Variants in DOCK1 observed in about 807,000 individuals in gnomAD.
DOCK1 encodes the protein dedicator of cytokinesis 1.
A neutral mutation model predicts 262.7 loss-of-function variants in DOCK1; 138 were observed. The ratio of observed to expected loss-of-function variants is 0.53; its 90% confidence interval spans 0.46 to 0.61. DOCK1 has a LOEUF of 0.61. DOCK1 is among the 20% of genes least tolerant of loss of function. The pLI, the probability that DOCK1 is intolerant of heterozygous loss-of-function variation, is 0.00. For synonymous variants in DOCK1, 866 were observed against 867.4 expected, an observed-to-expected ratio of 1.00 and a Z score of 0.03; for missense variants, 1,908 against 2,370.7, an observed-to-expected ratio of 0.80 and a Z score of 4.05.
chr10:127,180,753 C>T (rs925018274), intron 27 of DOCK1, among the ~76,000 whole-genome samples: 15 of 152,144 alleles, frequency 9.9e-5, no homozygotes, highest in African/African-American at 3.6e-4. Context: ...TTTACATTCA[C>T]TCTGGGCGGC....
At chr10:127,218,958 A>G (rs1008359353) in intron 27 of DOCK1, among the ~76,000 whole-genome samples, 1 of 152,112 alleles carries the variant, frequency 6.6e-6, no homozygotes, top group African/African-American at 2.4e-5. Context: ...ATGGAAAGGG[A>G]AGCCAACCTA....
chr10:126,920,889 C>T lies in DOCK1; in HGVS notation c.46+15326C>T, dbSNP rs554337958. ...CATTGTTCCTTCTCCACTCCCACTG[C>T]TTCACTTGCCTTTACAAAAAGTTCA... On this transcript the variant is annotated intron_variant, in intron 1 of 51. Coordinates refer to ENST00000623213, the MANE Select transcript of DOCK1 (RefSeq NM_001290223.2). Among the ~76,000 whole-genome samples, 6 of 152,274 alleles carry T rather than the reference C, an allele frequency of 3.9e-5. No individual in the cohort carries two copies. In the South Asian group the frequency reaches 1.2e-3, roughly 32 times the overall value.
At chr10:127,142,937 C>T (rs1415999284) in intron 27 of DOCK1, among the ~76,000 whole-genome samples, 1 of 152,192 alleles carries the variant, frequency 6.6e-6, no homozygotes, top group East Asian at 1.9e-4. Context: ...GAAGAATCTG[C>T]CCTACATCTC....
chr10:126,980,281 T>C (rs1019780558), intron 3 of DOCK1, among the ~76,000 whole-genome samples: 2 of 152,086 alleles, frequency 1.3e-5, no homozygotes, highest in African/African-American at 2.4e-5. Flanking sequence ...CACCGCGACT[T>C]CCTGGGCTCA....
chr10:126,957,097 C>G (rs2036805366), intron 1 of DOCK1, among the ~76,000 whole-genome samples: 1 of 152,254 alleles, frequency 6.6e-6, no homozygotes, highest in South Asian at 2.1e-4. Flanking sequence ...CCTGTGCCAA[C>G]AGGCACTAGG....
Position 127,339,095 on chromosome 10 carries a change from A to T in DOCK1, c.3123+11A>T. The T allele has an allele frequency of 2.6e-6, 4 of 1,562,290 alleles. No individual in the cohort carries two copies. Among genetic ancestry groups the T allele is most frequent in the Non-Finnish European group, 3.5e-6 (4 of 1,152,636 alleles). On this transcript the variant is annotated intron_variant, in intron 30 of 51. Transcript: ENST00000623213. ...AACTTTGAGCTACAGGTAAGAGAAG[A>T]GGTAGACACGACCTTTGTGGAGAAA...
intron 27 of DOCK1, among the ~76,000 whole-genome samples, chr10:127,223,551 T>G (rs2058519739): frequency 6.6e-6 from 1 of 152,210 alleles, no homozygotes; most frequent in Non-Finnish European, 1.5e-5. Context: ...GGATTTCAGA[T>G]GAGAGATATT....
intron 29 of DOCK1, among the ~76,000 whole-genome samples, chr10:127,266,668 A>G (rs2060370454): frequency 6.6e-6 from 1 of 152,226 alleles, no homozygotes; most frequent in South Asian, 2.1e-4. Flanking sequence ...GGTGCTCACG[A>G]TGAGATGTGC....
At chr10:127,363,839 G>A (rs1186047157) in intron 33 of DOCK1, among the ~76,000 whole-genome samples, 1 of 152,192 alleles carries the variant, frequency 6.6e-6, no homozygotes, top group Non-Finnish European at 1.5e-5. Flanking sequence ...GATACTGAGG[G>A]CAGGGAGACT....
intron 2 of DOCK1, among the ~76,000 whole-genome samples, chr10:126,973,759 C>G (rs2038294330): frequency 6.6e-6 from 1 of 152,134 alleles, no homozygotes; most frequent in African/African-American, 2.4e-5. Flanking sequence ...CATTTGTTTT[C>G]CAATATCTTC....
intron 23 of DOCK1, among the ~76,000 whole-genome samples, chr10:127,072,825 A>G (rs2046309799): frequency 6.6e-6 from 1 of 152,224 alleles, no homozygotes; most frequent in Admixed American, 6.5e-5. Context: ...GGACGGGCAG[A>G]GAACATCATC....
At chr10:127,028,122 T>A (rs190509491) in intron 16 of DOCK1, among the ~76,000 whole-genome samples, 1 of 152,110 alleles carries the variant, frequency 6.6e-6, no homozygotes, top group Admixed American at 6.5e-5. Context: ...ATTCCTGTCC[T>A]GTCCCAACAG....
chr10:126,988,119 C>T (rs1272394042), intron 5 of DOCK1: 1 of 151,376 alleles, frequency 6.6e-6, no homozygotes, highest in Non-Finnish European at 1.5e-5. Flanking sequence ...AAATATTTTA[C>T]ATTCTAGCTT....
chr10:127,093,242 C>CTTTTCTTTCTTTCTTTCTTTTTT (rs2047679021), intron 23 of DOCK1, among the ~76,000 whole-genome samples: 1 of 79,342 alleles, frequency 1.3e-5, no homozygotes, highest in African/African-American at 6.7e-5. Flanking sequence ...TTTCTTTCTT[C>CTTTTCTTTCTTTCTTTCTTTTTT]TTTTTTTTTT....
intron 27 of DOCK1, among the ~76,000 whole-genome samples, chr10:127,185,756 C>T (rs1011188443): frequency 6.6e-6 from 1 of 152,158 alleles, no homozygotes; most frequent in African/African-American, 2.4e-5. Context: ...TGAACTTTGG[C>T]ATGACTACCT....
intron 29 of DOCK1, among the ~76,000 whole-genome samples, chr10:127,262,775 A>G (rs148454295): frequency 0.016 from 2,407 of 152,304 alleles, 39 homozygotes; most frequent in Non-Finnish European, 0.025. Flanking sequence ...GTGAGCTAAC[A>G]TTGGGCATGC....
At chr10:127,008,304 C>G (rs968488175) in intron 10 of DOCK1, among the ~76,000 whole-genome samples, 6 of 152,130 alleles carry the variant, frequency 3.9e-5, no homozygotes, top group African/African-American at 1.4e-4. Flanking sequence ...TGTCATGTTA[C>G]CCAGGCTAGT....
Position 127,142,571 on chromosome 10 carries a change from A to G in DOCK1, c.2847+14807A>G, listed in dbSNP as rs11016452. Among the ~76,000 whole-genome samples, 1,004 of 152,304 alleles carry G rather than the reference A, an allele frequency of 6.6e-3. 4 individuals carry two copies. The highest frequency in any genetic ancestry group is 0.012 in the Admixed American group (177 of 15,304). Reference sequence around the variant, plus strand: ...TTACCTGTGCGGGGTGTTCTGTCCTATAAACACCTGAGTCAAACACAGGCT... The same window carrying G: ...TTACCTGTGCGGGGTGTTCTGTCCTGTAAACACCTGAGTCAAACACAGGCT... On this transcript the variant is annotated intron_variant, in intron 27 of 51. Coordinates refer to ENST00000623213, the MANE Select transcript of DOCK1 (RefSeq NM_001290223.2).
intron 18 of DOCK1, among the ~76,000 whole-genome samples, chr10:127,036,043 T>TAAAA (rs56691668): frequency 0.081 from 11,950 of 146,952 alleles, 798 homozygotes; most frequent in East Asian, 0.19. Context: ...AATAAATAAA[T>TAAAA]AAAAAAGAGT....
Sources: gnomAD v4.1 joint callset for allele counts (sites outside exome capture counted in the v4.1 genomes callset) on GRCh38, gnomAD v4.1.1 for gene constraint, MANE v1.5 for transcripts, NCBI Gene and HGNC (gene_info 2026-07-23, HGNC 2026-07-21) for gene names.